The following TMEM80 variants were observed in gnomAD, a reference collection of about 807,000 sequenced individuals.
TMEM80 encodes the protein transmembrane protein 80.
Under a neutral mutation model 13.6 loss-of-function variants are expected in TMEM80, and 16 were observed. The ratio of observed to expected loss-of-function variants is 1.17; its 90% confidence interval spans 0.79 to 1.78. TMEM80 has a LOEUF of 1.78. Ranked by LOEUF, TMEM80 falls within the 40% of genes most tolerant of loss-of-function variation. TMEM80 has a pLI of 0.00. For synonymous variants in TMEM80, 92 were observed against 89.5 expected (o/e 1.03, Z -0.16); for missense variants, 167 against 184.6 (o/e 0.90, Z 0.55).
Position 703,306 on chromosome 11 carries a change from G to A in TMEM80, c.*156G>A, listed in dbSNP as rs1861584886. The A allele has an allele frequency of 1.4e-6, 2 of 1,424,236 alleles. No individual in the cohort carries two copies. Among genetic ancestry groups the A allele is most frequent in the Admixed American group, 3.0e-5 (1 of 33,358 alleles). 88.2% of individuals were successfully genotyped at this position (1,424,236 alleles called of 1,614,324 possible). ...GTTCCATCTGTTCTGGCAGGAGTGGGAGCAGGAGCCAGGGCAGAACAAACT... is the reference window on the plus strand; with the variant it reads ...GTTCCATCTGTTCTGGCAGGAGTGGAAGCAGGAGCCAGGGCAGAACAAACT... On this transcript the variant is annotated 3_prime_UTR_variant, in exon 5 of 5. Coordinates refer to ENST00000397510, the MANE Select transcript of TMEM80 (RefSeq NM_001042463.3).
chr11:699,091 C>A, intron 2 of TMEM80: 1 of 626,200 alleles, frequency 1.6e-6, no homozygotes, highest in Non-Finnish European at 2.8e-6. Flanking sequence ...ACCTGCTCAG[C>A]CCTGCACAAA....
chr11:701,689 G>A lies in TMEM80; in HGVS notation c.226+982G>A, dbSNP rs561962693. ...CTCCCAAAGTGCTGGGATTACAGGC[G>A]TGAGCCACCGCGCCCGGCCGGAGAC... On this transcript the variant is annotated intron_variant, in intron 4 of 4. Transcript: ENST00000397510. 1.9e-3 allele frequency among the ~76,000 whole-genome samples: 295 copies of A among 152,124 alleles called. 2 individuals carry two copies. In the South Asian group the frequency reaches 0.023, roughly 12 times the overall value.
intron 1 of TMEM80, among the ~76,000 whole-genome samples, chr11:696,133 G>T (rs537495307): frequency 1.8e-3 from 271 of 152,302 alleles, no homozygotes; most frequent in Non-Finnish European, 2.6e-3. Context: ...TGTCCCGCGC[G>T]TGGTTTTTGT....
At position 700,212 on chromosome 11, in the gene TMEM80, C is replaced by T. The variant is rs536112009; in HGVS notation, c.110C>T (p.Thr37Met). 24 of 1,613,998 alleles carry T rather than the reference C, an allele frequency of 1.5e-5. No individual in the cohort carries two copies. Among genetic ancestry groups the T allele is most frequent in the African/African-American group, 6.7e-5 (5 of 75,036 alleles). The change falls in exon 3 of 5, where the codon ACG becomes ATG. Residue 37 changes from threonine to methionine, a missense_variant. By Grantham distance (81) the Thr-to-Met change is moderately conservative. Coordinates refer to ENST00000397510, the MANE Select transcript of TMEM80 (RefSeq NM_001042463.3). ...TACTACGCCCTGTATTTCCTCGCCA[C>T]GCTCCTGATGATCACGTATAAAAGT... ...GTYYALYFLA[T>M]LLMITYKSQV... is the part of the protein sequence containing the mutation.
In TMEM80 at chr11:700,194, C is replaced by T; in HGVS notation, c.92C>T (p.Ala31Val). The T allele has an allele frequency of 6.2e-7, 1 of 1,614,158 alleles. No individual in the cohort carries two copies. Among genetic ancestry groups the T allele is most frequent in the Non-Finnish European group, 8.5e-7 (1 of 1,180,030 alleles). The change falls in exon 3 of 5, where the codon GCC (alanine) becomes GTC (valine). Residue 31 changes from alanine to valine, a missense_variant. Transcript: ENST00000397510. ...TTTTATCTCAGCGGAACGTACTACG[C>T]CCTGTATTTCCTCGCCACGCTCCTG... ...MLFYLSGTYY[A>V]LYFLATLLMI...
At chr11:697,100 CA>C (rs71022954) in intron 1 of TMEM80, among the ~76,000 whole-genome samples, 92,548 of 141,936 alleles carry the variant, frequency 0.65, 29,771 homozygotes, top group East Asian at 0.93. Context: ...AATTCTGTCT[CA>C]AAAAAAAAAA....
At chr11:702,924 C>CT in intron 4 of TMEM80, 21 bp from the exon 5 acceptor site, 1 of 1,497,556 alleles carries the variant, frequency 6.7e-7, no homozygotes, top group South Asian at 1.2e-5. Context: ...CACCTTCCCT[C>CT]CCCTTTGCTC....
At chr11:696,873 G>T (rs1183963568) in intron 1 of TMEM80, among the ~76,000 whole-genome samples, 1 of 150,980 alleles carries the variant, frequency 6.6e-6, no homozygotes, top group African/African-American at 2.4e-5. Context: ...TGAGGTCGAG[G>T]GTTCAAGACC....
At chr11:704,303 G>A, downstream of TMEM80, 1 of 713,678 alleles carries the variant, frequency 1.4e-6, no homozygotes, top group Non-Finnish European at 2.0e-6. Flanking sequence ...GGACTGTCCT[G>A]GGCCTCCACT....
At chr11:695,776 C>T, upstream of TMEM80, 1 of 1,237,260 alleles carries the variant, frequency 8.1e-7, no homozygotes, top group South Asian at 3.8e-5. Flanking sequence ...CGCGAGCGCG[C>T]GGGCCGAGAG....
chr11:698,889 G>C lies in TMEM80; in HGVS notation c.39+1G>C. On this transcript the variant is annotated splice_donor_variant, in intron 2 of 4. Coordinates refer to ENST00000397510, the MANE Select transcript of TMEM80 (RefSeq NM_001042463.3). LOFTEE classifies it high-confidence loss of function. ...TTCAGGGAGAGGATCCTCCACAGTG[G>C]TATCCTGCTGCGTGCCCCTCCAGGA... is the stretch of plus-strand genomic sequence containing the variant. 1 of 1,614,106 alleles carries C rather than the reference G, an allele frequency of 6.2e-7. No homozygotes were observed. Among genetic ancestry groups the C allele is most frequent in the South Asian group, 1.1e-5 (1 of 91,082 alleles).
upstream of TMEM80, chr11:695,715 C>A (rs539485113): frequency 1.0e-3 from 1,285 of 1,241,072 alleles, 16 homozygotes; most frequent in African/African-American, 0.019. Flanking sequence ...GCTCCCGAAA[C>A]GCGGCGCGGT....
intron 1 of TMEM80, among the ~76,000 whole-genome samples, chr11:697,136 C>T (rs942254622): frequency 1.2e-4 from 16 of 131,656 alleles, no homozygotes; most frequent in African/African-American, 4.4e-4. Flanking sequence ...AGCCTGTGGT[C>T]CCAGCTACGT....
At chr11:702,503 A>AT (rs1391169346) in intron 4 of TMEM80, among the ~76,000 whole-genome samples, 3 of 152,198 alleles carry the variant, frequency 2.0e-5, no homozygotes, top group Admixed American at 6.5e-5. Context: ...TGTTTGCTAA[A>AT]TACGCAGTTT....
chr11:704,717 G>C (rs561624421), downstream of TMEM80: 14 of 1,196,138 alleles, frequency 1.2e-5, 1 homozygote, highest in African/African-American at 1.6e-4. Flanking sequence ...GGAACGCCAT[G>C]GCTCCAGGTG....
At chr11:700,729 TGAA>T (rs1861416052) in intron 4 of TMEM80, 22 bp downstream of exon 4, 1 of 1,585,016 alleles carries the variant, frequency 6.3e-7, no homozygotes, top group East Asian at 2.2e-5. Context: ...GTTAACACCG[TGAA>T]GAACCTGTCC....
At chr11:704,921 C>T (rs890059218), downstream of TMEM80, 3 of 350,148 alleles carry the variant, frequency 8.6e-6, no homozygotes, top group Non-Finnish European at 1.1e-5. Context: ...CACGGGTGCA[C>T]CGAGGGGTTG....
At position 703,355 on chromosome 11, in the gene TMEM80, C is replaced by G; in HGVS notation, c.*205C>G. The G allele has an allele frequency of 7.2e-7, 1 of 1,395,546 alleles. No individual in the cohort carries two copies. The highest frequency in any genetic ancestry group is 9.3e-7 in the Non-Finnish European group (1 of 1,078,190). The allele number at this position is 1,395,546 out of a possible 1,614,324, so 86.4% of individuals were successfully genotyped here. A position where few individuals can be genotyped will look rare whatever the true frequency, so the allele number is the denominator to read the frequency against. ...CTGCTGGAGGCCCTGGTGTTGGGAACAGCTGCGGGGAGGGTAGGGACCAGA... is the reference window on the plus strand; with the variant it reads ...CTGCTGGAGGCCCTGGTGTTGGGAAGAGCTGCGGGGAGGGTAGGGACCAGA... On this transcript the variant is annotated 3_prime_UTR_variant, in exon 5 of 5. Coordinates refer to ENST00000397510, the MANE Select transcript of TMEM80 (RefSeq NM_001042463.3).
chr11:700,118 T>G, intron 2 of TMEM80, 24 bp from the exon 3 acceptor site: 1 of 1,608,574 alleles, frequency 6.2e-7, no homozygotes, highest in Non-Finnish European at 8.5e-7. Context: ...CTGTTGAGCT[T>G]GAGGATCCTT....
Sources: gnomAD v4.1 joint callset for allele counts (sites outside exome capture counted in the v4.1 genomes callset) on GRCh38, gnomAD v4.1.1 for gene constraint, MANE v1.5 for transcripts, NCBI Gene and HGNC (gene_info 2026-07-23, HGNC 2026-07-21) for gene names.